The following NCALD variants were observed in gnomAD, a reference collection of about 807,000 sequenced individuals.
NCALD encodes the protein neurocalcin delta, also known as neurocalcin-delta.
A neutral mutation model predicts 18.6 loss-of-function variants in NCALD; 10 were observed. The ratio of observed to expected loss-of-function variants is 0.54; its 90% CI spans 0.33 to 0.91. The LOEUF (loss-of-function observed/expected upper bound fraction) is 0.91, where lower values mean the gene tolerates loss of function less well. Among genes scored for constraint, NCALD ranks in the 40% least tolerant of loss-of-function variants. NCALD has a pLI of 0.03. For missense variants in NCALD, 184 were observed against 247.6 expected, an observed-to-expected ratio of 0.74 and a Z score of 1.72; for synonymous variants, 88 against 87.4, an observed-to-expected ratio of 1.01 and a Z score of -0.04.
At chr8:101,800,205 G>C (rs1028453002) in intron 4 of NCALD, among the ~76,000 whole-genome samples, 1 of 152,114 alleles carries the variant, frequency 6.6e-6, no homozygotes, top group Non-Finnish European at 1.5e-5. Context: ...TTAGAATGTT[G>C]TGTGGGATAT....
intron 1 of NCALD, among the ~76,000 whole-genome samples, chr8:102,059,220 AG>A (rs1245868553): frequency 2.0e-5 from 3 of 152,198 alleles, no homozygotes; most frequent in Admixed American, 2.0e-4. Flanking sequence ...TCTGCTCCTC[AG>A]ATATCATCTT....
chr8:101,998,785 G>T (rs1294642330), intron 2 of NCALD, among the ~76,000 whole-genome samples: 1 of 152,098 alleles, frequency 6.6e-6, no homozygotes, highest in Non-Finnish European at 1.5e-5. Flanking sequence ...ACCCTCGGAG[G>T]CAGATTCAGT....
intron 2 of NCALD, among the ~76,000 whole-genome samples, chr8:101,717,492 A>G (rs538490599): frequency 5.3e-5 from 8 of 152,086 alleles, no homozygotes; most frequent in African/African-American, 1.9e-4. Context: ...TTATGTATCA[A>G]CACTTGTTAT....
At chr8:102,040,471 C>CA (rs60568830) in intron 1 of NCALD, among the ~76,000 whole-genome samples, 50,058 of 135,230 alleles carry the variant, frequency 0.37, 10,345 homozygotes, top group East Asian at 0.76. Context: ...GAGAATCCAT[C>CA]AAAAAAAAAA....
At chr8:101,694,564 C>G (rs1814895859) in intron 2 of NCALD, among the ~76,000 whole-genome samples, 2 of 152,148 alleles carry the variant, frequency 1.3e-5, no homozygotes, top group African/African-American at 4.8e-5. Context: ...ATAGCTGACT[C>G]TGCAGCGACT....
chr8:102,021,364 T>C (rs566539699), intron 1 of NCALD, among the ~76,000 whole-genome samples: 19 of 152,354 alleles, frequency 1.2e-4, no homozygotes, highest in African/African-American at 4.1e-4. Context: ...AACAATACTA[T>C]TTTATATACC....
intron 2 of NCALD, among the ~76,000 whole-genome samples, chr8:101,927,453 A>C (rs1286240806): frequency 6.6e-6 from 1 of 152,186 alleles, no homozygotes; most frequent in Non-Finnish European, 1.5e-5. Flanking sequence ...TCTGCGTGTG[A>C]TGAAGGTGTC....
chr8:101,953,076 G>A (rs139624045), intron 2 of NCALD, among the ~76,000 whole-genome samples: 40 of 152,024 alleles, frequency 2.6e-4, no homozygotes, highest in African/African-American at 8.7e-4. Flanking sequence ...TGCTTCTGGC[G>A]CTGGCCCAAG....
At chr8:101,934,079 T>C (rs906209246) in intron 2 of NCALD, among the ~76,000 whole-genome samples, 2 of 152,174 alleles carry the variant, frequency 1.3e-5, no homozygotes, top group African/African-American at 4.8e-5. Flanking sequence ...ATGAAGAGGA[T>C]TACATATCAT....
In NCALD at chr8:102,027,367, G is replaced by C. The variant is rs564014933; in HGVS notation, c.-209-7078C>G. On this transcript the variant is annotated intron_variant, in intron 1 of 6. Coordinates refer to the NCALD transcript ENST00000311028. Reference sequence around the variant, plus strand: ...CTATATCATCTCTCTCAAGTTCAAAGTTCCACAGATCTCTGGGACGGGGCA... The same window carrying C: ...CTATATCATCTCTCTCAAGTTCAAACTTCCACAGATCTCTGGGACGGGGCA... Among the ~76,000 whole-genome samples, 41 of 152,294 alleles carry C rather than the reference G, an allele frequency of 2.7e-4. 1 individual carries two copies. Among genetic ancestry groups the C allele is most frequent in the African/African-American group, 9.4e-4 (39 of 41,560 alleles).
chr8:102,046,293 C>T (rs749085886), intron 1 of NCALD, among the ~76,000 whole-genome samples: 1 of 152,104 alleles, frequency 6.6e-6, no homozygotes, highest in Non-Finnish European at 1.5e-5. Flanking sequence ...CTCACAATTC[C>T]ATATATGTTT....
chr8:101,702,213 C>A (rs996603432), intron 2 of NCALD, among the ~76,000 whole-genome samples: 3 of 151,938 alleles, frequency 2.0e-5, no homozygotes, highest in African/African-American at 7.3e-5. Flanking sequence ...TGTACTGGTC[C>A]CTTTGTGATA....
chr8:101,819,263 C>CATTA (rs76064599), intron 4 of NCALD, among the ~76,000 whole-genome samples: 72,498 of 148,184 alleles, frequency 0.49, 18,110 homozygotes, highest in East Asian at 0.65. Flanking sequence ...AAATACATAA[C>CATTA]TTTATTTATT....
At position 102,002,269 on chromosome 8, in the gene NCALD, A is replaced by G. The variant is rs537007693; in HGVS notation, c.-157+17968T>C. ...AGAATTTAAACCAACAAAGATCAAA[A>G]GAGACAAAGAAGGCCATTACATAAT... On this transcript the variant is annotated intron_variant, in intron 2 of 6. Coordinates refer to the NCALD transcript ENST00000311028. Among the ~76,000 whole-genome samples the G allele has an allele frequency of 2.1e-4, 32 of 152,312 alleles. No individual in the cohort carries two copies. The East Asian group carries it at 4.8e-3, about 23-fold the overall frequency.
intron 1 of NCALD, among the ~76,000 whole-genome samples, chr8:102,060,113 T>C (rs922217652): frequency 6.6e-6 from 1 of 152,184 alleles, no homozygotes; most frequent in Non-Finnish European, 1.5e-5. Flanking sequence ...CCCGAGTAGC[T>C]GGAACTACAG....
intron 4 of NCALD, among the ~76,000 whole-genome samples, chr8:101,870,014 C>A (rs527823221): frequency 6.6e-6 from 1 of 152,240 alleles, no homozygotes; most frequent in Non-Finnish European, 1.5e-5. Flanking sequence ...TCCCAGGAAA[C>A]AGACACCATA....
chr8:101,987,770 A>G (rs1311243028), intron 2 of NCALD, among the ~76,000 whole-genome samples: 1 of 152,214 alleles, frequency 6.6e-6, no homozygotes, highest in Non-Finnish European at 1.5e-5. Flanking sequence ...GAGAAGTAAT[A>G]AAGTAACAGC....
At chr8:101,973,399 T>TA (rs1450131437) in intron 2 of NCALD, among the ~76,000 whole-genome samples, 2 of 152,168 alleles carry the variant, frequency 1.3e-5, no homozygotes, top group African/African-American at 4.8e-5. Context: ...TTTCTATACT[T>TA]AGACTGAGGT....
intron 4 of NCALD, among the ~76,000 whole-genome samples, chr8:101,834,965 T>TG (rs2131263621): frequency 6.6e-6 from 1 of 152,364 alleles, no homozygotes; most frequent in East Asian, 1.9e-4. Context: ...TCCCTATCTG[T>TG]GTGGTCTTAG....
Sources: allele counts gnomAD v4.1 joint callset (sites outside exome capture counted in the v4.1 genomes callset), GRCh38; gene constraint gnomAD v4.1.1; transcripts MANE v1.5; gene names NCBI Gene and HGNC (gene_info 2026-07-23, HGNC 2026-07-21).